The following ADAMTSL1 variants were observed in gnomAD, a reference collection of about 807,000 sequenced individuals.
ADAMTSL1 encodes the protein ADAMTS-like protein 1.
A neutral mutation model predicts 201.8 loss-of-function variants in ADAMTSL1; 126 were observed. That is an observed-to-expected ratio of 0.62 (90% confidence interval 0.54 to 0.72). The LOEUF (loss-of-function observed/expected upper bound fraction) is 0.72. Among genes scored for constraint, ADAMTSL1 ranks in the 30% least tolerant of loss-of-function variants. ADAMTSL1 has a pLI of 0.00. For synonymous variants in ADAMTSL1, 1,121 were observed against 903.4 expected (o/e 1.24, Z -4.32); for missense variants, 2,679 against 2,277.8 (o/e 1.18, Z -3.59).
rs996523197 is a variant in ADAMTSL1, at chr9:18,276,795, A to T, written c.207+112814A>T. ...GAACTAATAAAGTGAGAACTCACTC[A>T]TTATGGTGAGAATAGCACCAAGCTA... On this transcript the variant is annotated intron_variant, in intron 2 of 29. Coordinates refer to the ADAMTSL1 transcript ENST00000680146. Among the ~76,000 whole-genome samples, 66 of 152,184 alleles carry T rather than the reference A, an allele frequency of 4.3e-4. 1 individual carries two copies. The highest frequency in any genetic ancestry group is 1.8e-4 in the Non-Finnish European group (12 of 68,038).
chr9:18,473,413 C>A (rs1179069840), upstream of ADAMTSL1, among the ~76,000 whole-genome samples: 2 of 152,116 alleles, frequency 1.3e-5, no homozygotes, highest in Non-Finnish European at 2.9e-5. Flanking sequence ...TCTAATTGTG[C>A]CTTTACAATT....
intron 2 of ADAMTSL1, among the ~76,000 whole-genome samples, chr9:18,386,613 C>A (rs760554304): frequency 6.6e-6 from 1 of 152,010 alleles, no homozygotes; most frequent in Non-Finnish European, 1.5e-5. Context: ...ATTTTGTGTA[C>A]CTTTATCCAA....
At chr9:18,846,100 C>T (rs1192303994) in intron 23 of ADAMTSL1, among the ~76,000 whole-genome samples, 1 of 152,128 alleles carries the variant, frequency 6.6e-6, no homozygotes, top group Non-Finnish European at 1.5e-5. Flanking sequence ...CAAACCTAGT[C>T]CTCATTCATT....
At chr9:18,144,618 C>CA (rs1445710406) in intron 1 of ADAMTSL1, among the ~76,000 whole-genome samples, 1 of 152,120 alleles carries the variant, frequency 6.6e-6, no homozygotes, top group Non-Finnish European at 1.5e-5. Flanking sequence ...TCCTATTCCC[C>CA]AGGTCTTCCC....
intron 1 of ADAMTSL1, among the ~76,000 whole-genome samples, chr9:18,110,749 T>G (rs1435774204): frequency 6.6e-6 from 1 of 152,174 alleles, no homozygotes; most frequent in Non-Finnish European, 1.5e-5. Flanking sequence ...TGAAAGGTTC[T>G]TAGCAAAGGC....
chr9:18,177,344 T>C (rs1828214391), intron 2 of ADAMTSL1, among the ~76,000 whole-genome samples: 1 of 152,172 alleles, frequency 6.6e-6, no homozygotes, highest in South Asian at 2.1e-4. Flanking sequence ...CGCCTTAGCT[T>C]TTTATGTACC....
At chr9:17,915,645 A>G (rs1420372885) in intron 1 of ADAMTSL1, among the ~76,000 whole-genome samples, 1 of 152,204 alleles carries the variant, frequency 6.6e-6, no homozygotes, top group Non-Finnish European at 1.5e-5. Flanking sequence ...TCAGTTTTTC[A>G]AAAGGTTGTA....
rs541479920 is a variant in ADAMTSL1 at position 18,383,658 on chromosome 9, C to A, written c.208-121171C>A. On this transcript the variant is annotated intron_variant, in intron 2 of 29. Transcript: ENST00000680146. ...CTGTCCCCTTGGACTAAGGTTAGAT[C>A]CTGAATTAATCAGATCTTTGCCACA... Among the ~76,000 whole-genome samples, 5 of 152,220 alleles carry A rather than the reference C, an allele frequency of 3.3e-5. No homozygotes were observed. The East Asian group carries it at 5.8e-4, about 18-fold the overall frequency.
At chr9:18,656,198 C>A (rs1193163304) in intron 7 of ADAMTSL1, among the ~76,000 whole-genome samples, 2 of 151,706 alleles carry the variant, frequency 1.3e-5, no homozygotes, top group African/African-American at 4.8e-5. Flanking sequence ...GGCCCTGTTT[C>A]TTCAATATTC....
chr9:18,738,873 A>C (rs1818664708), intron 15 of ADAMTSL1, among the ~76,000 whole-genome samples: 1 of 152,212 alleles, frequency 6.6e-6, no homozygotes, highest in Admixed American at 6.5e-5. Flanking sequence ...GTGTATGAGA[A>C]ATATTATAAC....
intron 2 of ADAMTSL1, among the ~76,000 whole-genome samples, chr9:18,281,153 T>C (rs190329752): frequency 2.0e-5 from 3 of 152,276 alleles, no homozygotes; most frequent in South Asian, 2.1e-4. Flanking sequence ...CTTTATCCCA[T>C]GTAAATGGCA....
At chr9:17,925,577 T>C (rs1588425633) in intron 1 of ADAMTSL1, among the ~76,000 whole-genome samples, 1 of 116,914 alleles carries the variant, frequency 8.6e-6, no homozygotes, top group South Asian at 3.3e-4. Flanking sequence ...ACATTGGAAA[T>C]CATCATTCTC....
At chr9:18,416,788 G>A (rs540313596) in intron 2 of ADAMTSL1, among the ~76,000 whole-genome samples, 3 of 151,864 alleles carry the variant, frequency 2.0e-5, no homozygotes, top group Non-Finnish European at 4.4e-5. Flanking sequence ...GCAAAATCTG[G>A]GTAAAACCCC....
chr9:18,533,248 A>G lies in ADAMTSL1; in HGVS notation c.193A>G (p.Ser65Gly). 1 of 1,605,966 alleles carries G rather than the reference A, an allele frequency of 6.2e-7. No homozygotes were observed. The highest frequency in any genetic ancestry group is 1.3e-5 in the African/African-American group (1 of 74,698). The change falls in exon 3 of 29, where the codon AGC becomes GGC. Residue 65 changes from serine (S) to glycine (G), a missense_variant and splice_region_variant. By Grantham distance (56) the Ser-to-Gly change is moderately conservative (BLOSUM62 0). Transcript: ENST00000380548. ...YSLRRCLSSK[S>G]CEGRNIRYRT... ...TTCTTTTTTCTTTTTGCAACTTAGG[A>G]GCTGTGAAGGAAGAAATATCCGATA...
chr9:18,419,180 T>G (rs1165524439), intron 2 of ADAMTSL1, among the ~76,000 whole-genome samples: 1 of 152,162 alleles, frequency 6.6e-6, no homozygotes, highest in South Asian at 2.1e-4. Flanking sequence ...ACCTTATACC[T>G]TATGCAAAAA....
At chr9:18,289,330 G>A (rs548028063) in intron 2 of ADAMTSL1, among the ~76,000 whole-genome samples, 1 of 152,182 alleles carries the variant, frequency 6.6e-6, no homozygotes, top group South Asian at 2.1e-4. Flanking sequence ...GAGTTTGGAG[G>A]GCTAAGAAGT....
chr9:17,955,825 A>T (rs1249768355), intron 1 of ADAMTSL1, among the ~76,000 whole-genome samples: 1 of 152,190 alleles, frequency 6.6e-6, no homozygotes, highest in African/African-American at 2.4e-5. Flanking sequence ...AACGTAGCGT[A>T]TATAGGGTTT....
chr9:18,594,295 C>A (rs748059865), intron 4 of ADAMTSL1, among the ~76,000 whole-genome samples: 1 of 151,868 alleles, frequency 6.6e-6, no homozygotes, highest in African/African-American at 2.4e-5. Context: ...GGATTCTTTT[C>A]TTTTACCTTT....
At chr9:18,762,452 T>C (rs566813977) in intron 16 of ADAMTSL1, among the ~76,000 whole-genome samples, 1 of 152,330 alleles carries the variant, frequency 6.6e-6, no homozygotes, top group Non-Finnish European at 1.5e-5. Context: ...TAAGTACATC[T>C]TGAAGAATGG....
Sources: gnomAD v4.1 joint callset for allele counts (sites outside exome capture counted in the v4.1 genomes callset) on GRCh38, gnomAD v4.1.1 for gene constraint, MANE v1.5 for transcripts, NCBI Gene and HGNC (gene_info 2026-07-23, HGNC 2026-07-21) for gene names.